The following ALG5 variants were observed in gnomAD, a reference collection of about 807,000 sequenced individuals.
ALG5 encodes the protein dolichyl-phosphate beta-glucosyltransferase.
A neutral mutation model predicts 51.8 loss-of-function variants in ALG5; 26 were observed. That is an observed-to-expected ratio of 0.50 (90% CI 0.37 to 0.70). The LOEUF is 0.70. Ranked by LOEUF, ALG5 falls within the 30% of genes least tolerant of loss-of-function variation. The pLI is 0.00. For missense variants in ALG5, 311 were observed against 399.3 expected, an observed-to-expected ratio of 0.78 and a Z score of 1.88; for synonymous variants, 141 against 136.1, an observed-to-expected ratio of 1.04 and a Z score of -0.25.
chr13:36,965,721 A>C lies in ALG5; in HGVS notation c.627T>G (p.Ser209=), dbSNP rs1207091248. 2 of 1,608,076 alleles carry C rather than the reference A, an allele frequency of 1.2e-6. No homozygotes were observed. Among genetic ancestry groups the C allele is most frequent in the Non-Finnish European group, 8.5e-7 (1 of 1,178,292 alleles). Reference sequence around the variant, plus strand: ...CATACATGAGAAGAGTACGGAAGTAAGAACGCTGAAAACAAAGACAAAATA... The same window carrying C: ...CATACATGAGAAGAGTACGGAAGTACGAACGCTGAAAACAAAGACAAAATA... ...HLEKESIAQR[S]YFRTLLMYGF... Residue 209 remains serine, a synonymous_variant, in exon 8 of 10, where the codon TCT becomes TCG. Transcript: ENST00000239891.
intron 4 of ALG5, among the ~76,000 whole-genome samples, chr13:36,992,703 C>T (rs558542434): frequency 2.5e-4 from 38 of 152,254 alleles, no homozygotes; most frequent in African/African-American, 9.1e-4. Context: ...TGTACTATAC[C>T]TTGTGCCCCC....
chr13:36,981,579 C>T (rs961380392), intron 6 of ALG5, among the ~76,000 whole-genome samples: 1 of 152,182 alleles, frequency 6.6e-6, no homozygotes, highest in Non-Finnish European at 1.5e-5. Context: ...GTTGAGATAA[C>T]TAGCCACAAT....
intron 7 of ALG5, among the ~76,000 whole-genome samples, chr13:36,968,525 A>G (rs2058905895): frequency 6.6e-6 from 1 of 152,238 alleles, no homozygotes; most frequent in African/African-American, 2.4e-5. Flanking sequence ...CGTTATACAG[A>G]ACACATGGGA....
At chr13:36,971,815 A>G (rs770855334) in intron 7 of ALG5, among the ~76,000 whole-genome samples, 162 bp downstream of exon 7, 3 of 152,130 alleles carry the variant, frequency 2.0e-5, no homozygotes, top group African/African-American at 7.2e-5. Flanking sequence ...AAATGTGCCA[A>G]TCCTTCATAA....
At chr13:36,963,421 C>G (rs1237003833) in intron 8 of ALG5, among the ~76,000 whole-genome samples, 1 of 152,126 alleles carries the variant, frequency 6.6e-6, no homozygotes, top group Admixed American at 6.5e-5. Flanking sequence ...TCCTCAACAA[C>G]GAAAAATAGT....
At chr13:36,971,919 A>ATG (rs1409616453) in intron 7 of ALG5, 58 bp downstream of exon 7, 164 of 1,351,598 alleles carry the variant, frequency 1.2e-4, no homozygotes, top group Non-Finnish European at 1.6e-4. Flanking sequence ...ATATATATAT[A>ATG]AAAAAAGAAA....
chr13:36,985,721 C>G lies in ALG5; in HGVS notation c.467G>C (p.Gly156Ala). The G allele has an allele frequency of 1.1e-5, 18 of 1,612,894 alleles. No individual in the cohort carries two copies. The highest frequency in any genetic ancestry group is 1.4e-5 in the Non-Finnish European group (17 of 1,179,532). The change falls in exon 6 of 10, where the codon GGA becomes GCA. Residue 156 changes from glycine (G) to alanine (A), a missense_variant. Transcript: ENST00000239891. ...AGCATCTGCCATAAGGATCTTTTCT[C>G]CTCGAGAACTGAATATACCCTGTAT... ...AIRMGIFSSR[G>A]EKILMADADG...
chr13:36,976,204 A>G (rs2058949676), intron 6 of ALG5, among the ~76,000 whole-genome samples: 1 of 151,688 alleles, frequency 6.6e-6, no homozygotes, highest in Non-Finnish European at 1.5e-5. Flanking sequence ...TGAGGTGGGC[A>G]GATCACCTGA....
At chr13:36,965,461 T>C in intron 8 of ALG5, 114 bp downstream of exon 8, 1 of 1,109,188 alleles carries the variant, frequency 9.0e-7, no homozygotes, top group Non-Finnish European at 1.3e-6. Flanking sequence ...CATACATTAT[T>C]GTCAATTTTG....
intron 8 of ALG5, among the ~76,000 whole-genome samples, chr13:36,958,463 G>GC (rs2138783302): frequency 6.6e-6 from 1 of 152,266 alleles, no homozygotes; most frequent in South Asian, 2.1e-4. Flanking sequence ...CAGATGCAGT[G>GC]CATGACTAAG....
chr13:36,999,366 C>A, upstream of ALG5: 1 of 1,382,138 alleles, frequency 7.2e-7, no homozygotes, highest in South Asian at 1.7e-5. Context: ...CCCGCGCGAC[C>A]CGGCCCCGCC....
intron 8 of ALG5, among the ~76,000 whole-genome samples, chr13:36,956,938 G>C (rs985901991): frequency 6.6e-6 from 1 of 151,960 alleles, no homozygotes; most frequent in South Asian, 2.1e-4. Context: ...TCCAGGAAAC[G>C]AAGCCCCAGT....
At chr13:36,979,622 G>A (rs934053452) in intron 6 of ALG5, among the ~76,000 whole-genome samples, 4 of 152,168 alleles carry the variant, frequency 2.6e-5, no homozygotes, top group African/African-American at 4.8e-5. Context: ...ACTGAGTTGT[G>A]CGTGTAGTTA....
chr13:36,982,448 C>A (rs1329349122), intron 6 of ALG5, among the ~76,000 whole-genome samples: 1 of 152,168 alleles, frequency 6.6e-6, no homozygotes, highest in Admixed American at 6.5e-5. Flanking sequence ...TAGCCTGTAG[C>A]CCAAATCTGA....
intron 7 of ALG5, chr13:36,967,881 T>G: frequency 1.0e-6 from 1 of 959,978 alleles, no homozygotes; most frequent in Non-Finnish European, 1.4e-6. Context: ...TACCTATAAA[T>G]TATTCTCCTT....
At chr13:36,982,121 C>A (rs897277248) in intron 6 of ALG5, among the ~76,000 whole-genome samples, 2 of 151,574 alleles carry the variant, frequency 1.3e-5, no homozygotes, top group Non-Finnish European at 2.9e-5. Context: ...ACAACAACAA[C>A]AAAAACCGTA....
At chr13:36,953,483 A>G (rs2058826801) in intron 8 of ALG5, among the ~76,000 whole-genome samples, 1 of 152,230 alleles carries the variant, frequency 6.6e-6, no homozygotes, top group South Asian at 2.1e-4. Context: ...GAAAAGCACT[A>G]CTACCTGTTA....
At chr13:36,957,210 C>T (rs2058843851) in intron 8 of ALG5, among the ~76,000 whole-genome samples, 1 of 151,516 alleles carries the variant, frequency 6.6e-6, no homozygotes, top group African/African-American at 2.4e-5. Flanking sequence ...AATCCCCTGC[C>T]TTATCGCCAA....
At chr13:36,973,928 G>A (rs780016836) in intron 6 of ALG5, among the ~76,000 whole-genome samples, 3 of 152,108 alleles carry the variant, frequency 2.0e-5, no homozygotes, top group Non-Finnish European at 4.4e-5. Flanking sequence ...AATTTGAAAC[G>A]TTATCAAAAT....
Sources: allele counts gnomAD v4.1 joint callset (sites outside exome capture counted in the v4.1 genomes callset), GRCh38; gene constraint gnomAD v4.1.1; transcripts MANE v1.5; gene names NCBI Gene and HGNC (gene_info 2026-07-23, HGNC 2026-07-21).